The following GNG2 variants were observed in gnomAD, a reference collection of about 807,000 sequenced individuals.
GNG2 encodes guanine nucleotide-binding protein G(I)/G(S)/G(O) subunit gamma-2.
In GNG2, 5 loss-of-function variants were observed where a neutral mutation model predicts 5.5. The observed-to-expected ratio is 0.91, with a 90% confidence interval of 0.48 to 1.92. The LOEUF (loss-of-function observed/expected upper bound fraction) is 1.92. Ranked by LOEUF, GNG2 falls within the 30% of genes most tolerant of loss-of-function variation. GNG2 has a pLI of 0.01. For synonymous variants in GNG2, 28 were observed against 32.0 expected (o/e 0.88, Z 0.42); for missense variants, 55 against 88.4 (o/e 0.62, Z 1.52).
intron 2 of GNG2, among the ~76,000 whole-genome samples, chr14:51,834,234 G>A (rs1051494790): frequency 1.4e-4 from 21 of 152,324 alleles, no homozygotes; most frequent in African/African-American, 5.0e-4. Flanking sequence ...ATTAACTAGT[G>A]CGATGCAAAC....
chr14:51,888,567 A>G (rs1218016978), intron 2 of GNG2, among the ~76,000 whole-genome samples: 1 of 151,928 alleles, frequency 6.6e-6, no homozygotes, highest in Non-Finnish European at 1.5e-5. Flanking sequence ...TAATCTTCCT[A>G]CCTCAGCCTC....
intron 2 of GNG2, among the ~76,000 whole-genome samples, chr14:51,832,549 G>T (rs769053917): frequency 1.3e-5 from 2 of 152,072 alleles, no homozygotes; most frequent in Non-Finnish European, 2.9e-5. Flanking sequence ...TCATAGACTG[G>T]GTTGTTTAAA....
intron 3 of GNG2, chr14:51,952,159 C>T: frequency 2.3e-6 from 1 of 429,032 alleles, no homozygotes; most frequent in South Asian, 5.0e-5. Flanking sequence ...GAAGAGAGAG[C>T]TCTTCTTTCT....
chr14:51,920,271 G>A (rs1420607158), intron 2 of GNG2, among the ~76,000 whole-genome samples: 2 of 151,840 alleles, frequency 1.3e-5, no homozygotes, highest in Non-Finnish European at 2.9e-5. Flanking sequence ...AGATATCAAG[G>A]GACAACGGTA....
At chr14:51,879,807 A>AGG (rs535468687) in intron 2 of GNG2, among the ~76,000 whole-genome samples, 27 of 152,300 alleles carry the variant, frequency 1.8e-4, no homozygotes, top group African/African-American at 6.3e-4. Context: ...CCTCATCACC[A>AGG]GGGCCTCCAT....
At chr14:51,916,467 A>G (rs1291000865) in intron 2 of GNG2, 1 of 454,522 alleles carries the variant, frequency 2.2e-6, no homozygotes, top group Non-Finnish European at 4.4e-6. Flanking sequence ...TGCCAGTGTT[A>G]TAACATCTCA....
intron 2 of GNG2, among the ~76,000 whole-genome samples, chr14:51,933,243 C>CA (rs1887766843): frequency 6.6e-6 from 1 of 152,088 alleles, no homozygotes. Flanking sequence ...AGACAGGGGT[C>CA]AAATAAGATT....
At chr14:51,832,446 G>A (rs921695137) in intron 2 of GNG2, among the ~76,000 whole-genome samples, 1 of 152,132 alleles carries the variant, frequency 6.6e-6, no homozygotes, top group Non-Finnish European at 1.5e-5. Context: ...GCTATCTTTG[G>A]GGTTATCTTT....
At chr14:51,958,228 C>G (rs1055284963) in intron 3 of GNG2, among the ~76,000 whole-genome samples, 4 of 152,150 alleles carry the variant, frequency 2.6e-5, no homozygotes, top group African/African-American at 9.7e-5. Flanking sequence ...GAAAGATGTT[C>G]TAAGCTCCCC....
At position 51,893,545 on chromosome 14, in the gene GNG2, T is replaced by C. The variant is rs1045322219; in HGVS notation, c.-30+15888T>C. Among the ~76,000 whole-genome samples the C allele has an allele frequency of 7.9e-5, 12 of 152,288 alleles. No individual in the cohort carries two copies. The East Asian group carries it at 2.1e-3, about 27-fold the overall frequency. On this transcript the variant is annotated intron_variant, in intron 2 of 3. Coordinates refer to ENST00000556766, the MANE Select transcript of GNG2 (RefSeq NM_053064.5). ...TCTTTCCCAGCCCATCATTTGTCTG[T>C]TTTGCTTATAGTATCCTTTGTCATA... is the stretch of plus-strand genomic sequence containing the variant.
intron 2 of GNG2, among the ~76,000 whole-genome samples, chr14:51,948,189 G>A (rs1221615944): frequency 6.6e-6 from 1 of 152,190 alleles, no homozygotes; most frequent in Non-Finnish European, 1.5e-5. Flanking sequence ...AGAGAGGCTT[G>A]GAATGTATCT....
Position 51,969,731 on chromosome 14 carries a change from G to A in GNG2, c.*3044G>A, listed in dbSNP as rs1283474657. 6.6e-6 allele frequency: 1 copy of A among 152,190 alleles called. No individual in the cohort carries two copies. Among genetic ancestry groups the A allele is most frequent in the African/African-American group, 2.4e-5 (1 of 41,432 alleles). 9.4% of individuals were successfully genotyped at this position (152,190 alleles called of 1,614,324 possible). On this transcript the variant is annotated 3_prime_UTR_variant, in exon 4 of 4. Transcript: ENST00000556766. Reference sequence around the variant, plus strand: ...TGTTAAAGCAGGAAAACCTGAATGTGATGTGCACATTTTCATCCCACATGG... The same window carrying A: ...TGTTAAAGCAGGAAAACCTGAATGTAATGTGCACATTTTCATCCCACATGG...
At chr14:51,950,250 G>C (rs969069400) in intron 2 of GNG2, among the ~76,000 whole-genome samples, 1 of 152,130 alleles carries the variant, frequency 6.6e-6, no homozygotes, top group African/African-American at 2.4e-5. Context: ...ATTTCAAATA[G>C]AGTGGGGAGG....
At chr14:51,962,829 C>T (rs748737487) in intron 3 of GNG2, among the ~76,000 whole-genome samples, 4 of 152,126 alleles carry the variant, frequency 2.6e-5, no homozygotes, top group Non-Finnish European at 4.4e-5. Flanking sequence ...GCTAGGCACA[C>T]GATTGCTGTG....
intron 3 of GNG2, among the ~76,000 whole-genome samples, chr14:51,960,781 A>G (rs1215088693): frequency 6.6e-6 from 1 of 152,158 alleles, no homozygotes; most frequent in Admixed American, 6.5e-5. Flanking sequence ...TGAAGTAATA[A>G]CCTTGTTAGG....
At chr14:51,914,152 G>T (rs1886464958) in intron 2 of GNG2, 1 of 693,290 alleles carries the variant, frequency 1.4e-6, no homozygotes, top group Admixed American at 2.1e-5. Flanking sequence ...GGGGAATGGA[G>T]TCATTCCATA....
At chr14:51,885,192 C>T (rs1884365196) in intron 2 of GNG2, among the ~76,000 whole-genome samples, 1 of 152,126 alleles carries the variant, frequency 6.6e-6, no homozygotes, top group Admixed American at 6.5e-5. Flanking sequence ...CTTAGTTTCC[C>T]CATCTGTAAA....
intron 2 of GNG2, among the ~76,000 whole-genome samples, chr14:51,829,913 G>A (rs771699761): frequency 6.7e-6 from 1 of 149,370 alleles, no homozygotes; most frequent in Non-Finnish European, 1.5e-5. Context: ...CACGATCTCA[G>A]CTCCCTGCAA....
chr14:51,872,830 G>A (rs182313157), intron 1 of GNG2, among the ~76,000 whole-genome samples: 1 of 152,186 alleles, frequency 6.6e-6, no homozygotes, highest in African/African-American at 2.4e-5. Flanking sequence ...AAAAATAGAT[G>A]CTGTTGTTTT....
Sources: gnomAD v4.1 joint callset for allele counts (sites outside exome capture counted in the v4.1 genomes callset) on GRCh38, gnomAD v4.1.1 for gene constraint, MANE v1.5 for transcripts, NCBI Gene and HGNC (gene_info 2026-07-23, HGNC 2026-07-21) for gene names.